TTC7A: variants seen among roughly 807,000 people sequenced by gnomAD.
TTC7A encodes the protein tetratricopeptide repeat protein 7A.
TTC7A carries 110 observed loss-of-function variants against 103.7 expected under a neutral mutation model. That is an observed-to-expected ratio of 1.06 (90% CI 0.91 to 1.24). The LOEUF (loss-of-function observed/expected upper bound fraction) is 1.24. TTC7A is among the 50% of genes most tolerant of loss of function. The pLI, the probability that TTC7A is intolerant of heterozygous loss-of-function variation, is 0.00. For synonymous variants in TTC7A, 521 were observed against 467.9 expected (o/e 1.11, Z -1.47); for missense variants, 1,340 against 1,116.3 (o/e 1.20, Z -2.86).
At position 47,073,886 on chromosome 2, in the gene TTC7A, C is replaced by G. The variant is rs1684995028; in HGVS notation, c.2540C>G (p.Pro847Arg). 6.2e-7 allele frequency: 1 copy of G among 1,613,310 alleles called. No individual in the cohort carries two copies. Among genetic ancestry groups the G allele is most frequent in the Non-Finnish European group, 8.5e-7 (1 of 1,180,000 alleles). The change falls in exon 20 of 20, where the codon CCT becomes CGT. Residue 847 changes from proline to arginine, a missense_variant. By Grantham distance (103) the Pro-to-Arg change is moderately radical. Coordinates refer to ENST00000319190, the MANE Select transcript of TTC7A (RefSeq NM_020458.4). ...LTALELEASS[P>R]VLPFSIIPRE... ...GCCCTTGAGCTGGAGGCCAGCAGCC[C>G]TGTACTGCCCTTCTCCATCATCCCC... is the stretch of plus-strand genomic sequence containing the variant.
At chr2:47,008,439 A>G (rs1677661013) in intron 10 of TTC7A, among the ~76,000 whole-genome samples, 1 of 152,232 alleles carries the variant, frequency 6.6e-6, no homozygotes, top group Admixed American at 6.5e-5. Flanking sequence ...AGAGATCCAG[A>G]CACAGCCTGG....
chr2:46,938,588 A>G (rs1558484947), upstream of TTC7A, among the ~76,000 whole-genome samples: 1 of 152,168 alleles, frequency 6.6e-6, no homozygotes, highest in Non-Finnish European at 1.5e-5. Flanking sequence ...TCCTATCCAT[A>G]ATAAGGTCAT....
chr2:46,961,073 C>A (rs1015629212), intron 3 of TTC7A, among the ~76,000 whole-genome samples: 1 of 152,204 alleles, frequency 6.6e-6, no homozygotes, highest in South Asian at 2.1e-4. Flanking sequence ...CCTCTCCTAC[C>A]CTATTCCCCA....
upstream of TTC7A, among the ~76,000 whole-genome samples, chr2:46,936,406 G>A (rs538656153): frequency 1.5e-4 from 23 of 152,226 alleles, no homozygotes; most frequent in African/African-American, 5.1e-4. Flanking sequence ...TTTCTCAGAC[G>A]TGTCTTATTT....
chr2:46,951,673 A>T (rs1322843222), intron 2 of TTC7A: 2 of 456,124 alleles, frequency 4.4e-6, no homozygotes, highest in Admixed American at 4.7e-5. Flanking sequence ...AGCCTCCCGA[A>T]GCGTTGGGAT....
intron 2 of TTC7A, 63 bp from the exon 3 acceptor site, chr2:46,956,776 T>TG: frequency 6.3e-7 from 1 of 1,588,558 alleles, no homozygotes; most frequent in Non-Finnish European, 8.6e-7. Flanking sequence ...CCAGGTTCAG[T>TG]GGGGGTGTTC....
chr2:46,932,522 C>G (rs892587695), intron 2 of TTC7A, among the ~76,000 whole-genome samples: 4 of 152,012 alleles, frequency 2.6e-5, no homozygotes, highest in African/African-American at 7.2e-5. Flanking sequence ...TATGCACTTT[C>G]TTTTGTGTTA....
chr2:46,920,907 G>A (rs562988332), intron 2 of TTC7A, among the ~76,000 whole-genome samples: 145 of 151,134 alleles, frequency 9.6e-4, no homozygotes, highest in African/African-American at 3.3e-3. Context: ...ATAAATATAT[G>A]ATCATAAGAA....
At chr2:46,999,126 C>T (rs1676524207) in intron 8 of TTC7A, among the ~76,000 whole-genome samples, 2 of 152,100 alleles carry the variant, frequency 1.3e-5, no homozygotes, top group South Asian at 2.1e-4. Context: ...ACCATTCATT[C>T]GTCCACTTAT....
chr2:47,070,351 A>G (rs998456707), intron 19 of TTC7A, among the ~76,000 whole-genome samples: 2 of 152,246 alleles, frequency 1.3e-5, no homozygotes, highest in Non-Finnish European at 2.9e-5. Flanking sequence ...CGTAAGAGGC[A>G]GGGCTTGCCA....
At chr2:47,054,283 T>C (rs1209218930) in intron 18 of TTC7A, 1 of 519,732 alleles carries the variant, frequency 1.9e-6, no homozygotes, top group African/African-American at 2.1e-5. Flanking sequence ...GATGACAGCC[T>C]TGACTGGGAC....
At chr2:47,017,980 T>C (rs1678854492) in intron 11 of TTC7A, among the ~76,000 whole-genome samples, 1 of 152,116 alleles carries the variant, frequency 6.6e-6, no homozygotes, top group Non-Finnish European at 1.5e-5. Flanking sequence ...TTGATATACA[T>C]ATATATATGA....
chr2:47,062,009 C>T (rs149118106), intron 19 of TTC7A, among the ~76,000 whole-genome samples: 14 of 152,228 alleles, frequency 9.2e-5, no homozygotes, highest in Non-Finnish European at 1.9e-4. Flanking sequence ...TCTTCTGGCA[C>T]GTAGAGAGCA....
Position 47,061,951 on chromosome 2 carries a change from C to A in TTC7A, c.2355+980C>A, listed in dbSNP as rs985014312. On this transcript the variant is annotated intron_variant, in intron 19 of 19. Transcript: ENST00000319190. Reference sequence around the variant, plus strand: ...GTCTGGGTTCCACCTTGGATGTCCCCCCTGTGAGAGAGTGTTAAGGAGAAC... The same window carrying A: ...GTCTGGGTTCCACCTTGGATGTCCCACCTGTGAGAGAGTGTTAAGGAGAAC... Among the ~76,000 whole-genome samples the A allele has an allele frequency of 3.3e-5, 5 of 152,266 alleles. No homozygotes were observed. The East Asian group carries it at 9.7e-4, about 29-fold the overall frequency.
In TTC7A at chr2:47,075,394, C is replaced by A; in HGVS notation, c.*1471C>A. 6.6e-6 allele frequency: 1 copy of A among 152,302 alleles called. No homozygotes were observed. The allele number at this position is 152,302 out of a possible 1,614,324, so 9.4% of individuals were successfully genotyped here. On this transcript the variant is annotated 3_prime_UTR_variant, in exon 20 of 20. Coordinates refer to ENST00000319190, the MANE Select transcript of TTC7A (RefSeq NM_020458.4). ...AAAAGCAAATGCTGTTGGTTTATCTCAGGGTGCCCAAAGTGGTTATAGTCA... is the reference window on the plus strand; with the variant it reads ...AAAAGCAAATGCTGTTGGTTTATCTAAGGGTGCCCAAAGTGGTTATAGTCA...
intron 16 of TTC7A, 61 bp from the exon 17 acceptor site, chr2:47,049,888 A>G (rs745427621): frequency 5.6e-5 from 72 of 1,291,638 alleles, no homozygotes; most frequent in Non-Finnish European, 7.7e-5. Flanking sequence ...CCTCTACCTC[A>G]CTGGGCCCTG....
intron 15 of TTC7A, chr2:47,040,562 CTG>C (rs1445814039): frequency 6.6e-6 from 1 of 152,264 alleles, no homozygotes; most frequent in Non-Finnish European, 1.5e-5. Context: ...TGTCATAAGC[CTG>C]TCTTAGGTCC....
Position 46,982,791 on chromosome 2 carries a change from G to A in TTC7A, c.764+3884G>A, listed in dbSNP as rs558870914. Among the ~76,000 whole-genome samples, 59 of 152,042 alleles carry A rather than the reference G, an allele frequency of 3.9e-4. 1 individual carries two copies. In the Middle Eastern group the frequency reaches 0.01, roughly 26 times the overall value. ...CCAGCCTGGACAACATAGTGAGACC[G>A]TCTCTACAAAAAAAAATTATTTTTA... On this transcript the variant is annotated intron_variant, in intron 5 of 19. Transcript: ENST00000319190.
At chr2:46,985,194 T>C (rs1204602303) in intron 5 of TTC7A, among the ~76,000 whole-genome samples, 1 of 151,980 alleles carries the variant, frequency 6.6e-6, no homozygotes, top group Non-Finnish European at 1.5e-5. Context: ...CCCCCTCCCT[T>C]CCTCTTCTTT....
Sources: gnomAD v4.1 joint callset for allele counts (sites outside exome capture counted in the v4.1 genomes callset) on GRCh38, gnomAD v4.1.1 for gene constraint, MANE v1.5 for transcripts, NCBI Gene and HGNC (gene_info 2026-07-23, HGNC 2026-07-21) for gene names.